The following DDX23 variants were observed in gnomAD, a reference collection of about 807,000 sequenced individuals.
DDX23 encodes the protein probable ATP-dependent RNA helicase DDX23.
Under a neutral mutation model 102.7 loss-of-function variants are expected in DDX23, and 33 were observed. The ratio of observed to expected loss-of-function variants is 0.32; its 90% CI spans 0.24 to 0.43. The LOEUF (loss-of-function observed/expected upper bound fraction) is 0.43. Among genes scored for constraint, DDX23 ranks in the 20% least tolerant of loss-of-function variants. DDX23 has a pLI of 1.00. For synonymous variants in DDX23, 352 were observed against 376.0 expected (o/e 0.94, Z 0.74); for missense variants, 549 against 1,086.6 (o/e 0.51, Z 6.96).
In DDX23 at chr12:48,848,562, C is replaced by T. The variant is rs114629645; in HGVS notation, c.1-2780G>A. The stretch of plus-strand genomic sequence containing the variant: ...GTTAGATACAAGAAATGTGAACTAG[C>T]TTAGCATGTTTGTCAGGTTTGTTTT... On this transcript the variant is annotated intron_variant, in intron 1 of 16. Coordinates refer to ENST00000308025, the MANE Select transcript of DDX23 (RefSeq NM_004818.3). Among the ~76,000 whole-genome samples the T allele has an allele frequency of 1.6e-3, 234 of 146,670 alleles. 1 individual carries two copies. The highest frequency in any genetic ancestry group is 5.4e-3 in the African/African-American group (220 of 40,992).
At chr12:48,841,499 C>T (rs1225339405) in intron 3 of DDX23, among the ~76,000 whole-genome samples, 1 of 152,200 alleles carries the variant, frequency 6.6e-6, no homozygotes, top group Admixed American at 6.5e-5. Context: ...CATGGTCTCC[C>T]TCTGATGCTG....
chr12:48,834,596 A>T (rs551567382), intron 11 of DDX23, 99 bp from the exon 12 acceptor site: 1 of 1,119,332 alleles, frequency 8.9e-7, no homozygotes, highest in Admixed American at 2.4e-5. Context: ...AGCAATGGGA[A>T]TGGGGAGGAT....
intron 3 of DDX23, among the ~76,000 whole-genome samples, chr12:48,843,538 T>C (rs1264554845): frequency 2.1e-5 from 3 of 145,410 alleles, no homozygotes; most frequent in Non-Finnish European, 3.0e-5. Flanking sequence ...AAATCTACTT[T>C]CTTTCTTTCT....
intron 1 of DDX23, among the ~76,000 whole-genome samples, chr12:48,846,288 T>C (rs1468559983): frequency 6.6e-6 from 1 of 152,248 alleles, no homozygotes; most frequent in Non-Finnish European, 1.5e-5. Flanking sequence ...TATTCATTTC[T>C]AAATATGTAC....
chr12:48,846,677 T>C (rs897041263), intron 1 of DDX23, among the ~76,000 whole-genome samples: 53 of 152,230 alleles, frequency 3.5e-4, no homozygotes, highest in African/African-American at 1.2e-3. Flanking sequence ...ATTTTTTAAC[T>C]TCCTGTGAAA....
intron 15 of DDX23, 47 bp from the exon 16 acceptor site, chr12:48,831,363 G>A (rs745456381): frequency 5.7e-6 from 9 of 1,587,120 alleles, no homozygotes; most frequent in Admixed American, 3.3e-5. Flanking sequence ...CAATCAAGGA[G>A]AGACACAGGA....
In DDX23 at chr12:48,836,355, C is replaced by G; in HGVS notation, c.1237-89G>C. On this transcript the variant is annotated intron_variant, in intron 10 of 16. Transcript: ENST00000308025. This position sits in a 1 kb window ranked among gnomAD's most constrained non-coding sequence, Gnocchi z 6.1. The stretch of plus-strand genomic sequence containing the variant: ...ATAGTAGTAAGCACATCTGCTAGCA[C>G]AATGGAAGGATGCCAAGTACAGTTC... The G allele has an allele frequency of 6.8e-7, 1 of 1,480,626 alleles. No individual in the cohort carries two copies. The highest frequency in any genetic ancestry group is 9.4e-7 in the Non-Finnish European group (1 of 1,069,434). 91.7% of individuals were successfully genotyped at this position (1,480,626 alleles called of 1,614,324 possible). A position where few individuals can be genotyped will look rare whatever the true frequency, so the allele number is the denominator to read the frequency against.
rs940719895 is a variant in DDX23, at chr12:48,832,275, G to A, written c.1956-89C>T. ...CTCATCTATGAACACTACTTTCAGG[G>A]TCTTTAATGCCCATGACATTCTGCC... On this transcript the variant is annotated intron_variant, in intron 14 of 16. Transcript: ENST00000308025. The surrounding 1 kb of genome is among the most constrained non-coding windows in gnomAD (Gnocchi z 4.4). 8.0e-5 allele frequency: 125 copies of A among 1,554,002 alleles called. No homozygotes were observed. The African/African-American group carries it at 1.5e-3, about 18-fold the overall frequency.
chr12:48,842,366 T>C (rs1163819879), intron 3 of DDX23, among the ~76,000 whole-genome samples: 2 of 124,468 alleles, frequency 1.6e-5, no homozygotes, highest in African/African-American at 6.2e-5. Flanking sequence ...GGAGCCTCTC[T>C]GCCCAGTCAG....
In DDX23 at chr12:48,830,512, G is replaced by C; in HGVS notation, c.2420C>G (p.Thr807Ser). 1 of 1,613,810 alleles carries C rather than the reference G, an allele frequency of 6.2e-7. No homozygotes were observed. Among genetic ancestry groups the C allele is most frequent in the Non-Finnish European group, 8.5e-7 (1 of 1,180,012 alleles). The change falls in exon 17 of 17, where the codon ACC becomes AGC. Residue 807 changes from threonine to serine, a missense_variant. Physicochemically the swap from Thr to Ser is moderately conservative, Grantham distance 58 (BLOSUM62 1). This residue lies in a region of DDX23 where 38 missense variants were observed against 94.5 expected (regional missense o/e 0.40). Coordinates refer to ENST00000308025, the MANE Select transcript of DDX23 (RefSeq NM_004818.3). The surrounding 1 kb of genome is among the most constrained non-coding windows in gnomAD (Gnocchi z 4.9). ...TTCCCGGCGCTTCTTGGTGAGGATG[G>C]TGCCTGGCTTATGCTGGGCATCTGG... ...NHPDAQHKPGTILTKKRREET... is the reference protein window; with the variant it reads ...NHPDAQHKPGSILTKKRREET...
chr12:48,842,229 G>A (rs1938570804), intron 3 of DDX23, among the ~76,000 whole-genome samples: 1 of 149,730 alleles, frequency 6.7e-6, no homozygotes, highest in Admixed American at 6.6e-5. Context: ...GAGGTGGGGG[G>A]GTCATCCCCC....
intron 11 of DDX23, chr12:48,834,910 G>A (rs1938445140): frequency 1.2e-5 from 2 of 164,282 alleles, no homozygotes; most frequent in Non-Finnish European, 2.7e-5. Flanking sequence ...CTCCAGCCTG[G>A]GTGACAGAGA....
At position 48,831,262 on chromosome 12, in the gene DDX23, A is replaced by G. The variant is rs1269589597; in HGVS notation, c.2119T>C (p.Leu707=). 1 of 1,614,214 alleles carries G rather than the reference A, an allele frequency of 6.2e-7. No homozygotes were observed. ...TTGGCCCCAGCCTTGAGGTTGGACA[A>G]CGCAAACTCTCGCTGCTCCTGGCCT... The part of the protein sequence containing the change: ...GKGQEQREFA[L]SNLKAGAKDI... The change falls in exon 16 of 17, where the codon TTG becomes CTG. Residue 707 remains leucine (L), a synonymous_variant. Transcript: ENST00000308025.
At chr12:48,839,613 C>A in intron 5 of DDX23, 14 of 307,756 alleles carry the variant, frequency 4.5e-5, no homozygotes, top group East Asian at 1.1e-4. Flanking sequence ...CCTAATCCAA[C>A]ACAAGGGGTA....
Position 48,836,852 on chromosome 12 carries a change from G to C in DDX23, c.1010+42C>G. 1 of 1,613,700 alleles carries C rather than the reference G, an allele frequency of 6.2e-7. No homozygotes were observed. Among genetic ancestry groups the C allele is most frequent in the Non-Finnish European group, 8.5e-7 (1 of 1,179,750 alleles). ...GTGCCCTCCAACTCCTTTCTGTAGA[G>C]CCTCTGGGCTCTGTCCAGCCACCCT... On this transcript the variant is annotated intron_variant, in intron 9 of 16. Coordinates refer to ENST00000308025, the MANE Select transcript of DDX23 (RefSeq NM_004818.3). The surrounding 1 kb of genome is among the most constrained non-coding windows in gnomAD (Gnocchi z 6.1).
Position 48,832,398 on chromosome 12 carries a change from C to G in DDX23, c.1955+24G>C, listed in dbSNP as rs1220052210. 1 of 1,607,062 alleles carries G rather than the reference C, an allele frequency of 6.2e-7. No individual in the cohort carries two copies. The stretch of plus-strand genomic sequence containing the variant: ...AGCCATTTTATTCTCCACCCTGTTT[C>G]CCCTGGCTCAGCTGCCCTCATACCT... On this transcript the variant is annotated intron_variant, in intron 14 of 16. Transcript: ENST00000308025. The surrounding 1 kb of genome is among the most constrained non-coding windows in gnomAD (Gnocchi z 4.4).
At chr12:48,838,633 C>T (rs1321817210) in intron 5 of DDX23, among the ~76,000 whole-genome samples, 2 of 151,572 alleles carry the variant, frequency 1.3e-5, no homozygotes, top group East Asian at 1.9e-4. Context: ...GGGCGGATCA[C>T]GAGGTCAGGA....
chr12:48,831,461 T>C lies in DDX23; in HGVS notation c.2065-145A>G. On this transcript the variant is annotated intron_variant, in intron 15 of 16. Transcript: ENST00000308025. ...AAAGGAAACAAGAGAATGATTGCAG[T>C]GAAAGAAGGAGAGAACAAGTGAGCT... The C allele has an allele frequency of 5.0e-6, 4 of 797,402 alleles. No individual in the cohort carries two copies. In the South Asian group the frequency reaches 6.4e-5, roughly 13 times the overall value. 49.4% of individuals were successfully genotyped at this position (797,402 alleles called of 1,614,324 possible).
intron 1 of DDX23, 28 bp from the exon 2 acceptor site, chr12:48,845,810 A>G: frequency 1.9e-6 from 3 of 1,609,788 alleles, no homozygotes; most frequent in Non-Finnish European, 2.5e-6. Context: ...AGTACTTACA[A>G]TGTACTAGGC....
Sources: allele counts gnomAD v4.1 joint callset (sites outside exome capture counted in the v4.1 genomes callset), GRCh38; gene constraint gnomAD v4.1.1; regional missense constraint gnomAD v4.1.1; non-coding constraint Gnocchi (gnomAD v3.1); transcripts MANE v1.5; gene names NCBI Gene and HGNC (gene_info 2026-07-23, HGNC 2026-07-21).